The following SLC7A2 variants were observed in gnomAD, a reference collection of about 807,000 sequenced individuals.
The protein encoded by SLC7A2 is cationic amino acid transporter 2.
In SLC7A2, 48 loss-of-function variants were observed where a neutral mutation model predicts 58.9. The ratio of observed to expected loss-of-function variants is 0.82; its 90% CI spans 0.65 to 1.04. The LOEUF is 1.04. Among genes scored for constraint, SLC7A2 ranks in the 50% least tolerant of loss-of-function variants. The probability of loss-of-function intolerance (pLI) is 0.00; values close to 1 mark genes in which losing one functional copy is unlikely to be tolerated. For missense variants in SLC7A2, 1,029 were observed against 818.8 expected (o/e 1.26, Z -3.13); for synonymous variants, 363 against 314.5 (o/e 1.15, Z -1.63).
At chr8:17,533,096 G>T (rs1292623474) in intron 2 of SLC7A2, among the ~76,000 whole-genome samples, 1 of 152,156 alleles carries the variant, frequency 6.6e-6, no homozygotes, top group Non-Finnish European at 1.5e-5. Context: ...TCTGAATCAT[G>T]AAGAACCAGC....
chr8:17,507,769 G>A (rs1156968027), intron 2 of SLC7A2, among the ~76,000 whole-genome samples: 1 of 152,122 alleles, frequency 6.6e-6, no homozygotes, highest in Non-Finnish European at 1.5e-5. Flanking sequence ...AAGATTTCAT[G>A]ATGAGCTATT....
intron 8 of SLC7A2, among the ~76,000 whole-genome samples, chr8:17,555,610 C>T (rs949709903): frequency 1.3e-5 from 2 of 151,842 alleles, no homozygotes; most frequent in African/African-American, 2.4e-5. Flanking sequence ...TCGCCATCCT[C>T]AGTATGGTGG....
chr8:17,501,671 G>T (rs1800165846), intron 1 of SLC7A2, among the ~76,000 whole-genome samples: 1 of 151,944 alleles, frequency 6.6e-6, no homozygotes, highest in Admixed American at 6.6e-5. Context: ...CAAATGTCAT[G>T]AATTTAATTT....
At chr8:17,546,728 C>G (rs76263222) in intron 4 of SLC7A2, among the ~76,000 whole-genome samples, 5,635 of 152,114 alleles carry the variant, frequency 0.037, 342 homozygotes, top group African/African-American at 0.13. Flanking sequence ...GTTCTTTCAT[C>G]TCTGCTTGGA....
chr8:17,503,891 C>T (rs975190324), intron 2 of SLC7A2, among the ~76,000 whole-genome samples: 3 of 152,148 alleles, frequency 2.0e-5, no homozygotes, highest in Middle Eastern at 3.2e-3. Context: ...CGTCTTTGCT[C>T]TTGAGTTCTG....
At chr8:17,550,460 T>A (rs1563472668) in intron 6 of SLC7A2, 26 bp downstream of exon 6, 1 of 1,606,492 alleles carries the variant, frequency 6.2e-7, no homozygotes, top group Non-Finnish European at 8.5e-7. Flanking sequence ...TGGCTCAGTG[T>A]AGAAGGAGTG....
At chr8:17,537,155 C>T (rs1585228317) in intron 2 of SLC7A2, among the ~76,000 whole-genome samples, 1 of 152,314 alleles carries the variant, frequency 6.6e-6, no homozygotes, top group Middle Eastern at 3.4e-3. Flanking sequence ...CTCCTGAGTT[C>T]AAGCAATTCT....
chr8:17,494,231 T>C (rs367880284), upstream of SLC7A2, among the ~76,000 whole-genome samples: 158 of 152,322 alleles, frequency 1.0e-3, 1 homozygote, highest in African/African-American at 3.5e-3. Flanking sequence ...ACATGAGATT[T>C]ACTTTAGGTT....
intron 2 of SLC7A2, among the ~76,000 whole-genome samples, chr8:17,507,830 A>G (rs1218214369): frequency 6.6e-6 from 1 of 152,216 alleles, no homozygotes; most frequent in African/African-American, 2.4e-5. Context: ...ATTTAGAAAT[A>G]AGTGTTACAG....
At chr8:17,536,583 G>A (rs1801676168) in intron 2 of SLC7A2, among the ~76,000 whole-genome samples, 1 of 152,264 alleles carries the variant, frequency 6.6e-6, no homozygotes, top group East Asian at 1.9e-4. Flanking sequence ...CTTATGTCAA[G>A]CTATTTTTTT....
At chr8:17,510,700 G>C (rs557841366) in intron 2 of SLC7A2, 3 of 152,192 alleles carry the variant, frequency 2.0e-5, no homozygotes, top group African/African-American at 7.2e-5. Flanking sequence ...ATTCCTCAAG[G>C]ATCTAGAGCC....
intron 1 of SLC7A2, among the ~76,000 whole-genome samples, chr8:17,498,382 G>T (rs1453729221): frequency 1.3e-5 from 2 of 152,194 alleles, no homozygotes; most frequent in Non-Finnish European, 2.9e-5. Flanking sequence ...CCTCCGGAAG[G>T]TGAAACATTC....
chr8:17,532,243 A>AC lies in SLC7A2; in HGVS notation c.-22-11075_-22-11074insC, dbSNP rs1563454465. 3.4e-4 allele frequency among the ~76,000 whole-genome samples: 42 copies of AC among 122,584 alleles called. 2 individuals are homozygous for AC. The highest frequency in any genetic ancestry group is 1.1e-3 in the African/African-American group (40 of 36,266). The allele number at this position is 122,584 out of a possible 152,430, so 80.4% of individuals were successfully genotyped here. ...AGACTCTATCTCAAAAAAAAAAAAA[A>AC]AAAAAAAAAAAAAAAACCCCAGCAA... On this transcript the variant is annotated intron_variant, in intron 2 of 12. Transcript: ENST00000494857.
intron 8 of SLC7A2, among the ~76,000 whole-genome samples, chr8:17,555,956 T>C (rs1802681906): frequency 1.3e-5 from 2 of 152,202 alleles, no homozygotes; most frequent in African/African-American, 4.8e-5. Context: ...AATGACAATT[T>C]CGTTGAGGCT....
At chr8:17,516,152 C>G (rs941701155) in intron 2 of SLC7A2, among the ~76,000 whole-genome samples, 2 of 152,056 alleles carry the variant, frequency 1.3e-5, no homozygotes, top group Non-Finnish European at 2.9e-5. Context: ...TGCTATTTGT[C>G]AGACACTTTG....
chr8:17,541,960 CT>C (rs1432138795), intron 2 of SLC7A2, among the ~76,000 whole-genome samples: 1 of 151,862 alleles, frequency 6.6e-6, no homozygotes, highest in Non-Finnish European at 1.5e-5. Flanking sequence ...GGGAGTGTGA[CT>C]TTTTGTCTAC....
chr8:17,534,909 G>T (rs550567948), intron 2 of SLC7A2, among the ~76,000 whole-genome samples: 1 of 152,042 alleles, frequency 6.6e-6, no homozygotes, highest in East Asian at 1.9e-4. Flanking sequence ...GACTCTCAAG[G>T]TGGAGAAGCT....
At chr8:17,552,269 A>G (rs1401736727) in intron 7 of SLC7A2, among the ~76,000 whole-genome samples, 1 of 152,168 alleles carries the variant, frequency 6.6e-6, no homozygotes, top group Non-Finnish European at 1.5e-5. Context: ...ACACACAAAT[A>G]TATCTGTGGC....
intron 2 of SLC7A2, among the ~76,000 whole-genome samples, chr8:17,503,838 G>C (rs574757619): frequency 9.2e-5 from 14 of 152,266 alleles, no homozygotes; most frequent in Admixed American, 2.6e-4. Flanking sequence ...AGTTTTAAGT[G>C]GTTTCTTTAA....
Sources: allele counts gnomAD v4.1 joint callset (sites outside exome capture counted in the v4.1 genomes callset), GRCh38; gene constraint gnomAD v4.1.1; transcripts MANE v1.5; gene names NCBI Gene and HGNC (gene_info 2026-07-23, HGNC 2026-07-21).